The following PCDH11X variants were observed in gnomAD, a reference collection of about 807,000 sequenced individuals.
The protein encoded by PCDH11X is protocadherin 11 X-linked.
A neutral mutation model predicts 53.3 loss-of-function variants in PCDH11X; 18 were observed. The ratio of observed to expected loss-of-function variants is 0.34; its 90% CI spans 0.23 to 0.50. The LOEUF (loss-of-function observed/expected upper bound fraction) is 0.50. Ranked by LOEUF, PCDH11X falls within the 20% of genes least tolerant of loss-of-function variation. The probability of loss-of-function intolerance (pLI) is 0.98; values close to 1 mark genes in which losing one functional copy is unlikely to be tolerated. For missense variants in PCDH11X, 570 were observed against 1,032.4 expected, an observed-to-expected ratio of 0.55 and a Z score of 6.14; for synonymous variants, 279 against 393.3, an observed-to-expected ratio of 0.71 and a Z score of 3.44.
At chrX:92,329,141 C>T in intron 8 of PCDH11X, among the ~76,000 whole-genome samples, 1 of 111,441 alleles carries the variant, frequency 9.0e-6, no homozygotes, top group Middle Eastern at 4.7e-3. Context: ...ATTCAAAAAT[C>T]TATCAGTGCA....
chrX:92,040,521 T>G (rs2063194298), intron 6 of PCDH11X, among the ~76,000 whole-genome samples: 1 of 111,478 alleles, frequency 9.0e-6, no homozygotes, highest in African/African-American at 3.3e-5. Context: ...AGTGCAAAGA[T>G]TCTCTCCTTG....
At chrX:91,956,076 C>A (rs1309847440) in intron 6 of PCDH11X, among the ~76,000 whole-genome samples, 1 of 110,070 alleles carries the variant, frequency 9.1e-6, no homozygotes, top group Non-Finnish European at 1.9e-5. Context: ...AGGATTGCAA[C>A]CCCTGCTTTT....
chrX:91,829,195 A>G (rs997675474), intron 4 of PCDH11X, among the ~76,000 whole-genome samples: 2 of 109,931 alleles, frequency 1.8e-5, no homozygotes, highest in African/African-American at 6.7e-5. Context: ...TAGATATATT[A>G]CTACCTGTTT....
chrX:92,029,360 A>G lies in PCDH11X; in HGVS notation c.3033+150087A>G, dbSNP rs185422882. On this transcript the variant is annotated intron_variant, in intron 6 of 10. Transcript: ENST00000682573. The stretch of plus-strand genomic sequence containing the variant: ...TCCCATTACTGTTAACTGTCTTTCT[A>G]TCGCAGTTTATTGGATTGCCACTGA... 5.3e-3 allele frequency among the ~76,000 whole-genome samples: 594 copies of G among 111,824 alleles called. 5 individuals are homozygous for G. Among genetic ancestry groups the G allele is most frequent in the African/African-American group, 0.018 (564 of 30,814 alleles).
At chrX:91,872,329 C>CAA (rs67943877) in intron 5 of PCDH11X, among the ~76,000 whole-genome samples, 1 of 94,182 alleles carries the variant, frequency 1.1e-5, no homozygotes, top group Non-Finnish European at 2.2e-5. Flanking sequence ...AAATAAAAGA[C>CAA]AAAAAAAAAA....
At chrX:92,125,935 T>A (rs2064853086) in intron 6 of PCDH11X, among the ~76,000 whole-genome samples, 2 of 109,720 alleles carry the variant, frequency 1.8e-5, no homozygotes, top group African/African-American at 6.6e-5. Flanking sequence ...AAGACCAGTA[T>A]GGCCAACATG....
chrX:92,157,238 T>C (rs1457199012), intron 6 of PCDH11X, among the ~76,000 whole-genome samples: 6 of 111,535 alleles, frequency 5.4e-5, no homozygotes, highest in African/African-American at 1.6e-4. Flanking sequence ...CAGTTACCTA[T>C]TAGAGAGCTA....
intron 5 of PCDH11X, among the ~76,000 whole-genome samples, chrX:91,853,963 G>A (rs1398917444): frequency 1.8e-5 from 2 of 110,288 alleles, no homozygotes; most frequent in Non-Finnish European, 3.8e-5. Flanking sequence ...ATCACATCGT[G>A]GTAAATGGGA....
intron 6 of PCDH11X, among the ~76,000 whole-genome samples, chrX:92,102,793 G>T (rs1244879013): frequency 9.0e-6 from 1 of 111,258 alleles, no homozygotes; most frequent in Non-Finnish European, 1.9e-5. Context: ...TATGGGTTTG[G>T]CACCATGGGG....
intron 8 of PCDH11X, among the ~76,000 whole-genome samples, chrX:92,271,547 C>T (rs1199788051): frequency 8.9e-6 from 1 of 111,966 alleles, no homozygotes; most frequent in Non-Finnish European, 1.9e-5. Flanking sequence ...TTACTTGGGG[C>T]ATGCCCTATG....
intron 6 of PCDH11X, among the ~76,000 whole-genome samples, chrX:92,099,130 G>A (rs2064194720): frequency 9.1e-6 from 1 of 110,239 alleles, no homozygotes; most frequent in Admixed American, 9.7e-5. Context: ...TTTTGATCTT[G>A]ACTTTTTTTG....
intron 6 of PCDH11X, among the ~76,000 whole-genome samples, chrX:92,088,293 T>C (rs2063992779): frequency 9.0e-6 from 1 of 111,492 alleles, no homozygotes; most frequent in African/African-American, 3.2e-5. Context: ...TTTATTCTCA[T>C]TTTTGTTAAC....
At chrX:91,780,664 CTCT>C (rs1397971167) in intron 1 of PCDH11X, among the ~76,000 whole-genome samples, 2 of 112,679 alleles carry the variant, frequency 1.8e-5, no homozygotes, top group Non-Finnish European at 3.8e-5. Flanking sequence ...GATAAAACGG[CTCT>C]TTTTTTTCGA....
intron 6 of PCDH11X, among the ~76,000 whole-genome samples, chrX:91,916,708 C>T (rs1479356396): frequency 9.1e-6 from 1 of 109,778 alleles, no homozygotes; most frequent in African/African-American, 3.3e-5. Flanking sequence ...AGTCCAGGAC[C>T]AGATTCACAG....
intron 1 of PCDH11X, among the ~76,000 whole-genome samples, chrX:91,799,099 T>C (rs1935842704): frequency 9.0e-6 from 1 of 111,220 alleles, no homozygotes; most frequent in Non-Finnish European, 1.9e-5. Context: ...ATTTTTTACC[T>C]ACTCCATATT....
intron 8 of PCDH11X, among the ~76,000 whole-genome samples, chrX:92,328,257 T>C (rs1242046648): frequency 9.0e-6 from 1 of 110,817 alleles, no homozygotes; most frequent in East Asian, 2.8e-4. Context: ...TAAATTCATC[T>C]CCTGGAATTG....
chrX:92,392,641 A>T lies in PCDH11X; in HGVS notation c.3343+4708A>T, dbSNP rs939893508. Among the ~76,000 whole-genome samples, 3 of 110,790 alleles carry T rather than the reference A, an allele frequency of 2.7e-5. No homozygotes were observed. In the Admixed American group the frequency reaches 2.9e-4, roughly 11 times the overall value. ...GAACATCTCATTATTTGAATATCTA[A>T]TTCTAAAGGTAGACTACTGGTAAAA... On this transcript the variant is annotated intron_variant, in intron 9 of 10. Transcript: ENST00000682573.
Position 92,167,879 on chromosome X carries a change from T to C in PCDH11X, c.3034-33496T>C, listed in dbSNP as rs1235031646. ...CTATGAGTCCTGATTGGGATGATTG[T>C]TATTAAGAAAGAAAACAAGATAGCC... is the stretch of plus-strand genomic sequence containing the variant. On this transcript the variant is annotated intron_variant, in intron 6 of 10. Transcript: ENST00000682573. 4.5e-5 allele frequency among the ~76,000 whole-genome samples: 5 copies of C among 111,553 alleles called. No individual in the cohort carries two copies. The Admixed American group carries it at 4.8e-4, about 11-fold the overall frequency.
At chrX:92,302,955 G>A (rs2068752532) in intron 8 of PCDH11X, among the ~76,000 whole-genome samples, 1 of 109,173 alleles carries the variant, frequency 9.2e-6, no homozygotes, top group Non-Finnish European at 1.9e-5. Flanking sequence ...ACAATATTTT[G>A]TAGCTAATGT....
Sources: allele counts gnomAD v4.1 joint callset (sites outside exome capture counted in the v4.1 genomes callset), GRCh38; gene constraint gnomAD v4.1.1; transcripts MANE v1.5; gene names NCBI Gene and HGNC (gene_info 2026-07-23, HGNC 2026-07-21).